The following ABRAXAS2 variants were observed in gnomAD, a reference collection of about 807,000 sequenced individuals.
ABRAXAS2 encodes the protein abraxas 2, BRISC complex subunit.
A neutral mutation model predicts 49.0 loss-of-function variants in ABRAXAS2; 23 were observed. The observed-to-expected ratio is 0.47, with a 90% CI of 0.34 to 0.66. The LOEUF (loss-of-function observed/expected upper bound fraction) is 0.66. ABRAXAS2 is among the 30% of genes least tolerant of loss of function. ABRAXAS2 has a pLI of 0.01. For missense variants in ABRAXAS2, 443 were observed against 511.9 expected (o/e 0.87, Z 1.30); for synonymous variants, 168 against 180.2 (o/e 0.93, Z 0.54).
Position 124,801,869 on chromosome 10 carries a change from T to A in ABRAXAS2, c.40T>A (p.Cys14Ser). 1 of 1,613,310 alleles carries A rather than the reference T, an allele frequency of 6.2e-7. No homozygotes were observed. The highest frequency in any genetic ancestry group is 8.5e-7 in the Non-Finnish European group (1 of 1,179,788). Residue 14 changes from cysteine to serine, a missense_variant, in exon 1 of 9, where the codon TGT becomes AGT. This residue lies in a region of ABRAXAS2 where 47 missense variants were observed against 27.6 expected (regional missense o/e 1.70). Transcript: ENST00000298492. ...SISGYTFSAV[C>S]FHSANSNADH... ...TTCGGGCTACACCTTCAGTGCTGTG[T>A]GTTTCCACAGCGCCAACAGCAACGC... is the stretch of plus-strand genomic sequence containing the variant.
intron 5 of ABRAXAS2, 123 bp from the exon 6 acceptor site, chr10:124,828,633 C>A: frequency 1.2e-6 from 1 of 856,874 alleles, no homozygotes. Flanking sequence ...CTCGGCCTCC[C>A]AAAGTGCTGA....
At chr10:124,818,557 G>A (rs1950840424) in intron 3 of ABRAXAS2, among the ~76,000 whole-genome samples, 1 of 152,152 alleles carries the variant, frequency 6.6e-6, no homozygotes. Context: ...AACTGGAGCT[G>A]GAGCTTGTGT....
At chr10:124,819,790 A>G (rs924014899) in intron 4 of ABRAXAS2, among the ~76,000 whole-genome samples, 21 of 138,224 alleles carry the variant, frequency 1.5e-4, no homozygotes, top group African/African-American at 6.2e-4. Flanking sequence ...AAAAAAAAAG[A>G]AAAAAAAAAA....
At chr10:124,815,650 G>GC (rs1241331377) in intron 2 of ABRAXAS2, among the ~76,000 whole-genome samples, 2 of 152,130 alleles carry the variant, frequency 1.3e-5, no homozygotes, top group African/African-American at 4.8e-5. Context: ...CAGACCCTAA[G>GC]CCCCTGGATG....
chr10:124,817,991 T>A (rs1181767712), intron 3 of ABRAXAS2, among the ~76,000 whole-genome samples: 1 of 152,198 alleles, frequency 6.6e-6, no homozygotes, highest in Non-Finnish European at 1.5e-5. Flanking sequence ...GGTGTCTGAT[T>A]TGGTCTTGAC....
In ABRAXAS2 at chr10:124,834,928, A is replaced by G; in HGVS notation, c.1205A>G (p.His402Arg). The G allele has an allele frequency of 6.2e-7, 1 of 1,613,826 alleles. No homozygotes were observed. ...TCAAAGGATTCTCGACCCATGGCAC[A>G]TCCCGACGAGGACCCCAGGAACACT... The part of the protein sequence containing the change: ...SHSKDSRPMA[H>R]PDEDPRNTQT... Residue 402 changes from histidine to arginine, a missense_variant, in exon 9 of 9, where the codon CAT becomes CGT. By Grantham distance (29) the His-to-Arg change is conservative. Coordinates refer to ENST00000298492, the MANE Select transcript of ABRAXAS2 (RefSeq NM_032182.4).
At chr10:124,817,982 G>T (rs894428843) in intron 3 of ABRAXAS2, among the ~76,000 whole-genome samples, 4 of 152,118 alleles carry the variant, frequency 2.6e-5, no homozygotes, top group Admixed American at 6.6e-5. Flanking sequence ...GTCTACGAAG[G>T]TGTCTGATTT....
Position 124,835,059 on chromosome 10 carries a change from G to A in ABRAXAS2, c.*88G>A, listed in dbSNP as rs1950961468. ...GAGAACTTAATCTGGGGGGAGAACT[G>A]CTTTCTCAGATACCTTAACTCCCGA... On this transcript the variant is annotated 3_prime_UTR_variant, in exon 9 of 9. Transcript: ENST00000298492. 2.0e-6 allele frequency: 2 copies of A among 1,005,558 alleles called. No homozygotes were observed. The highest frequency in any genetic ancestry group is 5.5e-5 in the Admixed American group (2 of 36,516). 62.3% of individuals were successfully genotyped at this position (1,005,558 alleles called of 1,614,324 possible).
chr10:124,827,162 ATT>A (rs776501428), intron 5 of ABRAXAS2, among the ~76,000 whole-genome samples: 7 of 137,222 alleles, frequency 5.1e-5, no homozygotes, highest in Admixed American at 7.3e-5. Context: ...ATTATAGTGC[ATT>A]TTTTTTTTTT....
At chr10:124,803,068 A>G (rs996304184) in intron 1 of ABRAXAS2, among the ~76,000 whole-genome samples, 5 of 152,174 alleles carry the variant, frequency 3.3e-5, no homozygotes, top group Admixed American at 6.6e-5. Context: ...TAATAATGTA[A>G]TATAGTTCCA....
intron 1 of ABRAXAS2, among the ~76,000 whole-genome samples, chr10:124,803,826 G>T (rs1033668592): frequency 5.9e-5 from 9 of 152,132 alleles, no homozygotes; most frequent in Non-Finnish European, 1.3e-4. Context: ...GCTTGAACCC[G>T]GGAGGCAAAG....
intron 4 of ABRAXAS2, among the ~76,000 whole-genome samples, chr10:124,824,568 GA>G (rs1326355194): frequency 6.6e-6 from 1 of 151,166 alleles, no homozygotes; most frequent in Non-Finnish European, 1.5e-5. Flanking sequence ...AGGCAGCTAG[GA>G]AAAAAAATGA....
intron 2 of ABRAXAS2, among the ~76,000 whole-genome samples, chr10:124,810,896 A>G (rs1394326843): frequency 6.9e-6 from 1 of 145,232 alleles, no homozygotes; most frequent in Admixed American, 6.9e-5. Context: ...GGGTGTTTTT[A>G]TTTTTCTTTT....
At chr10:124,817,978 G>A (rs1368964367) in intron 3 of ABRAXAS2, among the ~76,000 whole-genome samples, 3 of 152,298 alleles carry the variant, frequency 2.0e-5, no homozygotes, top group African/African-American at 7.2e-5. Context: ...TCTGGTCTAC[G>A]AAGGTGTCTG....
chr10:124,833,159 A>G (rs1175033456), intron 8 of ABRAXAS2, among the ~76,000 whole-genome samples: 1 of 141,818 alleles, frequency 7.1e-6, no homozygotes, highest in East Asian at 2.1e-4. Flanking sequence ...AAAAAAAAAA[A>G]GAAAGAAAGA....
chr10:124,833,642 G>T (rs1950949126), intron 8 of ABRAXAS2, among the ~76,000 whole-genome samples: 1 of 152,184 alleles, frequency 6.6e-6, no homozygotes, highest in South Asian at 2.1e-4. Context: ...AGTTCTCTTT[G>T]CTTGAAAGCC....
chr10:124,828,342 C>T (rs1015063864), intron 5 of ABRAXAS2, among the ~76,000 whole-genome samples: 6 of 152,044 alleles, frequency 3.9e-5, no homozygotes, highest in Non-Finnish European at 7.4e-5. Flanking sequence ...CATGCCACCA[C>T]GCATGCCCTT....
chr10:124,827,856 T>C (rs1950906669), intron 5 of ABRAXAS2, among the ~76,000 whole-genome samples: 1 of 152,224 alleles, frequency 6.6e-6, no homozygotes, highest in South Asian at 2.1e-4. Context: ...ATAAATTAAA[T>C]TGACATCAGT....
intron 5 of ABRAXAS2, among the ~76,000 whole-genome samples, chr10:124,827,848 A>G (rs929746624): frequency 1.3e-5 from 2 of 152,198 alleles, no homozygotes; most frequent in Non-Finnish European, 2.9e-5. Context: ...GTTGTAGAAT[A>G]AATTAAATTG....
Sources: gnomAD v4.1 joint callset for allele counts (sites outside exome capture counted in the v4.1 genomes callset) on GRCh38, gnomAD v4.1.1 for gene constraint, gnomAD v4.1.1 regional missense constraint, MANE v1.5 for transcripts, NCBI Gene and HGNC (gene_info 2026-07-23, HGNC 2026-07-21) for gene names.